IQCM: variants seen among roughly 807,000 people sequenced by gnomAD.
IQCM encodes the protein IQ domain-containing protein M.
Under a neutral mutation model 57.6 loss-of-function variants are expected in IQCM, and 45 were observed. That is an observed-to-expected ratio of 0.78 (90% CI 0.62 to 1.00). The LOEUF is 1.00. Among genes scored for constraint, IQCM ranks in the 50% least tolerant of loss-of-function variants. The pLI, the probability that IQCM is intolerant of heterozygous loss-of-function variation, is 0.00. For synonymous variants in IQCM, 148 were observed against 158.9 expected (o/e 0.93, Z 0.51); for missense variants, 468 against 511.6 (o/e 0.91, Z 0.82).
chr4:149,695,856 A>C (rs1268398034), intron 5 of IQCM, among the ~76,000 whole-genome samples: 1 of 152,142 alleles, frequency 6.6e-6, no homozygotes, highest in Non-Finnish European at 1.5e-5. Flanking sequence ...TATTTTCTCT[A>C]TGAAGTAGGA....
intron 12 of IQCM, among the ~76,000 whole-genome samples, chr4:149,500,254 C>T (rs1223321452): frequency 1.3e-5 from 2 of 152,144 alleles, no homozygotes; most frequent in Non-Finnish European, 2.9e-5. Flanking sequence ...TTACATTCTG[C>T]CCTTCTAAAA....
intron 7 of IQCM, among the ~76,000 whole-genome samples, chr4:149,649,212 A>C (rs1490217696): frequency 2.0e-5 from 3 of 151,974 alleles, no homozygotes; most frequent in African/African-American, 7.2e-5. Flanking sequence ...TTTCTTAAGG[A>C]GGGGTCCTTT....
chr4:149,647,280 T>A (rs1471474259), intron 7 of IQCM, among the ~76,000 whole-genome samples: 1 of 152,182 alleles, frequency 6.6e-6, no homozygotes, highest in African/African-American at 2.4e-5. Context: ...ATTTTTGGCT[T>A]TTTAAATCTT....
chr4:149,354,591 CA>C (rs1390354606), intron 13 of IQCM, among the ~76,000 whole-genome samples: 1 of 151,402 alleles, frequency 6.6e-6, no homozygotes, highest in African/African-American at 2.4e-5. Flanking sequence ...TTGATAATAC[CA>C]AGCATATATT....
chr4:149,712,378 TACAC>T (rs1434308274), intron 5 of IQCM, among the ~76,000 whole-genome samples: 1 of 151,134 alleles, frequency 6.6e-6, no homozygotes, highest in African/African-American at 2.4e-5. Context: ...ACAACACACA[TACAC>T]ACACAGTCTT....
intron 13 of IQCM, among the ~76,000 whole-genome samples, chr4:149,375,009 T>TGTGTGTGTGTGTGTGA (rs55772693): frequency 2.0e-5 from 3 of 151,102 alleles, no homozygotes; most frequent in Admixed American, 1.3e-4. Context: ...TGTGTGTGTG[T>TGTGTGTGTGTGTGTGA]GATGTTCTTT....
intron 7 of IQCM, among the ~76,000 whole-genome samples, chr4:149,674,066 T>C (rs1761541859): frequency 6.6e-6 from 1 of 152,170 alleles, no homozygotes; most frequent in Non-Finnish European, 1.5e-5. Context: ...TTATTAAGTA[T>C]TCTGTACTCA....
intron 13 of IQCM, among the ~76,000 whole-genome samples, chr4:149,397,222 T>G (rs1457265123): frequency 6.6e-6 from 1 of 152,038 alleles, no homozygotes; most frequent in African/African-American, 2.4e-5. Context: ...CTTTTTCTTT[T>G]TTTAATGATA....
chr4:149,396,365 A>G (rs1289308655), intron 13 of IQCM, among the ~76,000 whole-genome samples: 1 of 151,786 alleles, frequency 6.6e-6, no homozygotes, highest in Non-Finnish European at 1.5e-5. Flanking sequence ...TATATGATAA[A>G]TGTTCTTACC....
intron 6 of IQCM, among the ~76,000 whole-genome samples, chr4:149,684,247 A>G (rs1484287090): frequency 6.6e-6 from 1 of 151,338 alleles, no homozygotes; most frequent in African/African-American, 2.4e-5. Context: ...AAATTGTAAC[A>G]GTATTCAATT....
intron 12 of IQCM, among the ~76,000 whole-genome samples, chr4:149,467,688 G>T (rs1739005562): frequency 6.6e-6 from 1 of 152,210 alleles, no homozygotes; most frequent in Non-Finnish European, 1.5e-5. Flanking sequence ...AACAAGTGAA[G>T]AGCATAGCTA....
At chr4:149,371,902 T>C (rs946619517) in intron 13 of IQCM, among the ~76,000 whole-genome samples, 1 of 152,196 alleles carries the variant, frequency 6.6e-6, no homozygotes, top group Non-Finnish European at 1.5e-5. Flanking sequence ...TGGCATGTTC[T>C]AACCATGACC....
At chr4:149,597,355 G>T (rs539734487) in intron 8 of IQCM, among the ~76,000 whole-genome samples, 1 of 152,144 alleles carries the variant, frequency 6.6e-6, no homozygotes, top group South Asian at 2.1e-4. Flanking sequence ...TCTGATTAAA[G>T]ATTTATAAAG....
intron 13 of IQCM, among the ~76,000 whole-genome samples, chr4:149,415,652 T>C (rs1733695850): frequency 6.6e-6 from 1 of 151,696 alleles, no homozygotes; most frequent in African/African-American, 2.4e-5. Flanking sequence ...GCAACCAAAA[T>C]TGGAAAAAAG....
At chr4:149,380,613 C>T (rs1162835797) in intron 13 of IQCM, among the ~76,000 whole-genome samples, 1 of 152,022 alleles carries the variant, frequency 6.6e-6, no homozygotes, top group Non-Finnish European at 1.5e-5. Context: ...TTGGTAGCAA[C>T]GTTGGAAAGT....
intron 13 of IQCM, among the ~76,000 whole-genome samples, chr4:149,355,154 A>G (rs1266857741): frequency 6.6e-6 from 1 of 152,200 alleles, no homozygotes; most frequent in Non-Finnish European, 1.5e-5. Context: ...ATTATTTCAT[A>G]AACATTTAAA....
At chr4:149,652,356 A>G (rs1441905831) in intron 7 of IQCM, among the ~76,000 whole-genome samples, 6 of 152,110 alleles carry the variant, frequency 3.9e-5, no homozygotes, top group Admixed American at 1.3e-4. Flanking sequence ...GCGGGGCTTA[A>G]AACCCAGATG....
At chr4:149,581,404 A>T (rs1313942899) in intron 9 of IQCM, among the ~76,000 whole-genome samples, 2 of 151,572 alleles carry the variant, frequency 1.3e-5, no homozygotes, top group African/African-American at 2.4e-5. Flanking sequence ...ACTATTTTAT[A>T]ATGATCTACA....
chr4:149,704,850 A>G (rs995370318), intron 5 of IQCM, among the ~76,000 whole-genome samples: 19 of 152,040 alleles, frequency 1.2e-4, no homozygotes, highest in African/African-American at 4.3e-4. Flanking sequence ...AGGCAACTTC[A>G]GTCCATCAAG....
Sources: gnomAD v4.1 joint callset for allele counts (sites outside exome capture counted in the v4.1 genomes callset) on GRCh38, gnomAD v4.1.1 for gene constraint, MANE v1.5 for transcripts, NCBI Gene and HGNC (gene_info 2026-07-23, HGNC 2026-07-21) for gene names.